Variants in AKT3 observed in about 807,000 individuals in gnomAD.
The protein encoded by AKT3 is AKT serine/threonine kinase 3.
A neutral mutation model predicts 65.3 loss-of-function variants in AKT3; 15 were observed. The ratio of observed to expected loss-of-function variants is 0.23; its 90% confidence interval spans 0.15 to 0.35. The LOEUF is 0.35. Among genes scored for constraint, AKT3 ranks in the 10% least tolerant of loss-of-function variants. The pLI, the probability that AKT3 is intolerant of heterozygous loss-of-function variation, is 1.00. For missense variants in AKT3, 243 were observed against 576.5 expected, an observed-to-expected ratio of 0.42 and a Z score of 5.92; for synonymous variants, 206 against 183.8, an observed-to-expected ratio of 1.12 and a Z score of -0.98.
intron 2 of AKT3, among the ~76,000 whole-genome samples, chr1:243,703,628 G>A (rs534379535): frequency 5.9e-5 from 9 of 151,552 alleles, no homozygotes; most frequent in East Asian, 3.9e-4. Flanking sequence ...GCGTGGTGGC[G>A]GGGCCCTTAT....
intron 3 of AKT3, among the ~76,000 whole-genome samples, chr1:243,677,009 T>A (rs1482800351): frequency 9.2e-5 from 14 of 152,206 alleles, no homozygotes; most frequent in Admixed American, 7.2e-4. Context: ...TTTCTTAGCC[T>A]GACTTTCAAA....
chr1:243,805,390 C>T (rs565146273), intron 2 of AKT3, among the ~76,000 whole-genome samples: 1 of 152,136 alleles, frequency 6.6e-6, no homozygotes, highest in Non-Finnish European at 1.5e-5. Context: ...AGCACGTTCC[C>T]CTCTGCCATC....
intron 8 of AKT3, among the ~76,000 whole-genome samples, chr1:243,597,750 C>A (rs1418976066): frequency 6.6e-6 from 1 of 152,210 alleles, no homozygotes; most frequent in Non-Finnish European, 1.5e-5. Flanking sequence ...GATCCTCCTG[C>A]CTTGGCCTCC....
At chr1:243,794,495 T>C (rs1002012509) in intron 2 of AKT3, 14 of 152,256 alleles carry the variant, frequency 9.2e-5, no homozygotes, top group Admixed American at 8.5e-4. Context: ...TTTAAACAAC[T>C]ACTTTACAAA....
At chr1:243,537,076 A>T (rs147715764) in intron 12 of AKT3, among the ~76,000 whole-genome samples, 3 of 152,314 alleles carry the variant, frequency 2.0e-5, no homozygotes, top group Non-Finnish European at 4.4e-5. Context: ...ACAACTCAGG[A>T]AAGTTCCACT....
At chr1:243,551,107 G>A (rs962762574) in intron 11 of AKT3, among the ~76,000 whole-genome samples, 1 of 151,502 alleles carries the variant, frequency 6.6e-6, no homozygotes, top group Non-Finnish European at 1.5e-5. Flanking sequence ...CTGCTGCATT[G>A]TAAATAAGAT....
At chr1:243,652,836 C>T (rs1283703665) in intron 4 of AKT3, among the ~76,000 whole-genome samples, 1 of 117,698 alleles carries the variant, frequency 8.5e-6, no homozygotes, top group African/African-American at 3.1e-5. Context: ...AGACTTTAAA[C>T]CAACAAAGAT....
intron 8 of AKT3, among the ~76,000 whole-genome samples, chr1:243,599,566 G>A (rs1572006920): frequency 6.6e-6 from 1 of 152,084 alleles, no homozygotes; most frequent in South Asian, 2.1e-4. Context: ...AAAGTCTACC[G>A]TGATGAGAAA....
At chr1:243,657,981 A>G (rs534566002) in intron 4 of AKT3, among the ~76,000 whole-genome samples, 1 of 152,272 alleles carries the variant, frequency 6.6e-6, no homozygotes, top group African/African-American at 2.4e-5. Context: ...CCAACTCAAA[A>G]TGGATCAAAG....
chr1:243,596,485 C>T (rs188221913), intron 8 of AKT3, among the ~76,000 whole-genome samples: 4 of 152,250 alleles, frequency 2.6e-5, no homozygotes, highest in Non-Finnish European at 5.9e-5. Context: ...TGAGTGAAGA[C>T]ATTTCCTATC....
intron 1 of AKT3, among the ~76,000 whole-genome samples, chr1:243,849,772 C>G (rs951192116): frequency 4.0e-5 from 6 of 151,836 alleles, no homozygotes; most frequent in African/African-American, 9.7e-5. Flanking sequence ...CTGCGCACCG[C>G]CGCCCCCCAG....
chr1:243,659,143 T>C (rs1470264876), intron 4 of AKT3, among the ~76,000 whole-genome samples: 1 of 152,174 alleles, frequency 6.6e-6, no homozygotes, highest in Non-Finnish European at 1.5e-5. Flanking sequence ...TTTGAAGACA[T>C]TATACTAAGG....
chr1:243,592,610 A>C (rs1369736995), intron 8 of AKT3, among the ~76,000 whole-genome samples: 2 of 152,248 alleles, frequency 1.3e-5, no homozygotes, highest in Admixed American at 6.5e-5. Context: ...ATAGCTAAAT[A>C]TCTTTCCAAA....
At chr1:243,711,718 G>A (rs1531242) in intron 2 of AKT3, among the ~76,000 whole-genome samples, 1,576 of 152,238 alleles carry the variant, frequency 0.01, 20 homozygotes, top group African/African-American at 0.036. Flanking sequence ...CAAGATCCTT[G>A]AATAGCAAGT....
At chr1:243,684,403 C>G (rs952109979) in intron 3 of AKT3, among the ~76,000 whole-genome samples, 1 of 152,002 alleles carries the variant, frequency 6.6e-6, no homozygotes, top group African/African-American at 2.4e-5. Flanking sequence ...TGAGAACATG[C>G]GGTGTTTGGT....
intron 1 of AKT3, among the ~76,000 whole-genome samples, chr1:243,849,184 CGGA>C (rs1425427349): frequency 2.6e-5 from 4 of 152,148 alleles, no homozygotes; most frequent in Non-Finnish European, 4.4e-5. Context: ...ACCGATGCGC[CGGA>C]GGAGGTGGAC....
chr1:243,622,099 T>C (rs1382239434), intron 6 of AKT3, among the ~76,000 whole-genome samples: 1 of 152,230 alleles, frequency 6.6e-6, no homozygotes, highest in Non-Finnish European at 1.5e-5. Flanking sequence ...AAAGCCAATA[T>C]CCTTACAAAC....
chr1:243,671,236 T>C (rs1156751869), intron 3 of AKT3, among the ~76,000 whole-genome samples: 2 of 151,920 alleles, frequency 1.3e-5, no homozygotes, highest in African/African-American at 4.8e-5. Context: ...CACCACCACA[T>C]CCAGCTAATT....
chr1:243,535,162 A>AAAT (rs1199518464), intron 12 of AKT3, among the ~76,000 whole-genome samples: 2 of 149,064 alleles, frequency 1.3e-5, no homozygotes, highest in African/African-American at 4.9e-5. Flanking sequence ...ATATATTTTA[A>AAAT]AATATATTTA....
Sources: allele counts gnomAD v4.1 joint callset (sites outside exome capture counted in the v4.1 genomes callset), GRCh38; gene constraint gnomAD v4.1.1; transcripts MANE v1.5; gene names NCBI Gene and HGNC (gene_info 2026-07-23, HGNC 2026-07-21).